PIEZO2: variants seen among roughly 807,000 people sequenced by gnomAD.
PIEZO2 encodes the protein piezo-type mechanosensitive ion channel component 2.
A neutral mutation model predicts 337.3 loss-of-function variants in PIEZO2; 172 were observed. The ratio of observed to expected loss-of-function variants is 0.51; its 90% CI spans 0.45 to 0.58. PIEZO2 has a LOEUF of 0.58. PIEZO2 is among the 20% of genes least tolerant of loss of function. The probability of loss-of-function intolerance (pLI) is 0.00; values close to 1 mark genes in which losing one functional copy is unlikely to be tolerated. For synonymous variants in PIEZO2, 1,251 were observed against 1,228.5 expected (o/e 1.02, Z -0.38); for missense variants, 3,028 against 3,391.3 (o/e 0.89, Z 2.66).
intron 3 of PIEZO2, among the ~76,000 whole-genome samples, chr18:10,926,316 G>A (rs1039258686): frequency 1.3e-5 from 2 of 152,204 alleles, no homozygotes; most frequent in Non-Finnish European, 2.9e-5. Flanking sequence ...CCCATGGTAG[G>A]AGTATTTAAG....
chr18:11,054,796 T>C (rs1427078624), intron 2 of PIEZO2, among the ~76,000 whole-genome samples: 1 of 152,162 alleles, frequency 6.6e-6, no homozygotes, highest in African/African-American at 2.4e-5. Context: ...GTTGAGAGAA[T>C]GCCAAGCCCA....
At chr18:10,757,032 A>T (rs2037895097) in intron 27 of PIEZO2, among the ~76,000 whole-genome samples, 1 of 147,502 alleles carries the variant, frequency 6.8e-6, no homozygotes, top group African/African-American at 2.5e-5. Context: ...GATAAGGAGG[A>T]ATGGGGATAA....
intron 3 of PIEZO2, among the ~76,000 whole-genome samples, chr18:10,939,464 A>C (rs1013571131): frequency 2.0e-4 from 30 of 152,226 alleles, no homozygotes; most frequent in Admixed American, 1.6e-3. Context: ...AGACACATGC[A>C]TACCTGTGTG....
rs1439116365 is a variant in PIEZO2 at position 10,773,663 on chromosome 18, A to G, written c.2568-34T>C. 1 of 1,528,754 alleles carries G rather than the reference A, an allele frequency of 6.5e-7. No individual in the cohort carries two copies. Among genetic ancestry groups the G allele is most frequent in the Non-Finnish European group, 8.8e-7 (1 of 1,139,604 alleles). The allele number at this position is 1,528,754 out of a possible 1,614,324, so 94.7% of individuals were successfully genotyped here. ...AGAGAGCAGCTGAGTCAGAAGAGGA[A>G]AGGGTGTTGGGAGAGATTTGACTGA... On this transcript the variant is annotated intron_variant, in intron 19 of 55. Coordinates refer to ENST00000674853, the MANE Select transcript of PIEZO2 (RefSeq NM_001378183.1). The surrounding 1 kb of genome is among the most constrained non-coding windows in gnomAD (Gnocchi z 5.3).
chr18:10,697,686 G>A, intron 45 of PIEZO2, 62 bp downstream of exon 45: 2 of 1,572,818 alleles, frequency 1.3e-6, no homozygotes, highest in Non-Finnish European at 1.7e-6. Flanking sequence ...TGGTTTATAG[G>A]AAATAATAAA....
rs2042316440 is a variant in PIEZO2 at position 10,878,094 on chromosome 18, C to T, written c.330-6679G>A. ...ATTCCAGAATAGAATGGACCGCCATCCCTCCCACATCCTCCATCAGTAGAT... is the reference window on the plus strand; with the variant it reads ...ATTCCAGAATAGAATGGACCGCCATTCCTCCCACATCCTCCATCAGTAGAT... On this transcript the variant is annotated intron_variant, in intron 4 of 55. Coordinates refer to ENST00000674853, the MANE Select transcript of PIEZO2 (RefSeq NM_001378183.1). This position sits in a 1 kb window ranked among gnomAD's most constrained non-coding sequence, Gnocchi z 4.3. Among the ~76,000 whole-genome samples, 1 of 152,164 alleles carries T rather than the reference C, an allele frequency of 6.6e-6. No individual in the cohort carries two copies. The highest frequency in any genetic ancestry group is 2.4e-5 in the African/African-American group (1 of 41,426).
intron 36 of PIEZO2, among the ~76,000 whole-genome samples, chr18:10,720,363 CTGTGTGTGTGTGTGTGTGTGTGTG>C (rs58927900): frequency 1.8e-5 from 1 of 56,296 alleles, no homozygotes; most frequent in Non-Finnish European, 3.2e-5. Context: ...TATATATATT[CTGTGTGTGTGTGTGTGTGTGTGTG>C]TGTGTGTGTG....
At chr18:10,812,406 GTAAA>G (rs1306263049) in intron 7 of PIEZO2, among the ~76,000 whole-genome samples, 6 of 152,130 alleles carry the variant, frequency 3.9e-5, no homozygotes. Context: ...GGGCGAGGAT[GTAAA>G]AAACACTCAT....
intron 3 of PIEZO2, among the ~76,000 whole-genome samples, chr18:10,921,932 T>C (rs2145140409): frequency 6.6e-6 from 1 of 152,276 alleles, no homozygotes; most frequent in South Asian, 2.1e-4. Flanking sequence ...GAGGAAATTC[T>C]TGCCTAATAA....
intron 49 of PIEZO2, among the ~76,000 whole-genome samples, chr18:10,684,466 GTTT>G (rs58939994): frequency 4.0e-4 from 55 of 135,902 alleles, no homozygotes; most frequent in African/African-American, 1.2e-3. Flanking sequence ...CGCCCGGCCT[GTTT>G]TTTTTTTTTT....
At chr18:10,868,729 T>C (rs1598606875) in intron 5 of PIEZO2, among the ~76,000 whole-genome samples, 1 of 152,160 alleles carries the variant, frequency 6.6e-6, no homozygotes, top group Non-Finnish European at 1.5e-5. Context: ...TCTCTGAAAA[T>C]TGAAATCAGG....
At position 11,146,663 on chromosome 18, in the gene PIEZO2, A is replaced by C. The variant is rs561909493; in HGVS notation, c.64+1862T>G. Among the ~76,000 whole-genome samples, 1 of 152,294 alleles carries C rather than the reference A, an allele frequency of 6.6e-6. No homozygotes were observed. The highest frequency in any genetic ancestry group is 2.4e-5 in the African/African-American group (1 of 41,564). On this transcript the variant is annotated intron_variant, in intron 1 of 55. Coordinates refer to ENST00000674853, the MANE Select transcript of PIEZO2 (RefSeq NM_001378183.1). This position sits in a 1 kb window ranked among gnomAD's most constrained non-coding sequence, Gnocchi z 6.1. ...AGGTGAGCTGAGTCCAGGGAGCCCA[A>C]CCTGCAAGAGCCTATGCTCAGGGCA...
Position 10,704,428 on chromosome 18 carries a change from C to T in PIEZO2, c.6224G>A (p.Arg2075His), listed in dbSNP as rs879168452. ...WAMLSVPRPS[R>H]RFWMMAIVYT... ...GACGATGGCCATCATCCAGAACCGG[C>T]GGCTGGGCCTGGGGACGGACAACAT... Residue 2075 changes from arginine to histidine, a missense_variant, in exon 42 of 56, where the codon CGC (arginine) becomes CAC (histidine). Around this residue, in one of 5 missense-constraint regions of PIEZO2, gnomAD observed 1,925 missense variants for 2,051.9 expected, o/e 0.94. Coordinates refer to ENST00000674853, the MANE Select transcript of PIEZO2 (RefSeq NM_001378183.1). 17 of 1,537,016 alleles carry T rather than the reference C, an allele frequency of 1.1e-5. No homozygotes were observed. The African/African-American group carries it at 1.2e-4, about 11-fold the overall frequency.
chr18:10,974,623 T>C (rs1193095934), intron 3 of PIEZO2, among the ~76,000 whole-genome samples: 1 of 152,142 alleles, frequency 6.6e-6, no homozygotes, highest in African/African-American at 2.4e-5. Context: ...GGGGGAAGAA[T>C]GGAAAGCCAG....
At chr18:10,840,588 T>C (rs2041159688) in intron 7 of PIEZO2, among the ~76,000 whole-genome samples, 1 of 152,132 alleles carries the variant, frequency 6.6e-6, no homozygotes, top group South Asian at 2.1e-4. Flanking sequence ...TCAATACAAG[T>C]AATCTATTTA....
rs922549583 is a variant in PIEZO2, at chr18:10,794,958, C to T, written c.1572G>A (p.Leu524=). The change falls in exon 13 of 56, where the codon CTG becomes CTA. Residue 524 remains leucine, a synonymous_variant. Transcript: ENST00000674853. This position sits in a 1 kb window ranked among gnomAD's most constrained non-coding sequence, Gnocchi z 6.6. ...TYHSWLTFVL[L]IWSCTLWMIR... ...TCATCCAAAGAGTGCACGACCAGAT[C>T]AGCAGCACGAAGGTCAGCCAGCTGT... is the stretch of plus-strand genomic sequence containing the variant. The T allele has an allele frequency of 3.2e-6, 5 of 1,547,626 alleles. No homozygotes were observed. In the Admixed American group the frequency reaches 5.9e-5, roughly 18 times the overall value.
chr18:10,921,781 G>A (rs900339348), intron 3 of PIEZO2, among the ~76,000 whole-genome samples: 4 of 152,258 alleles, frequency 2.6e-5, no homozygotes, highest in Middle Eastern at 3.4e-3. Context: ...TTCTCAGCAA[G>A]GAACATCCCT....
rs746342616 is a variant in PIEZO2 at position 11,099,710 on chromosome 18, C to T, written c.65-33488G>A. Among the ~76,000 whole-genome samples, 111 of 152,206 alleles carry T rather than the reference C, an allele frequency of 7.3e-4. 1 individual carries two copies. The highest frequency in any genetic ancestry group is 2.2e-4 in the Non-Finnish European group (15 of 68,032). ...TTGACCTCAGGTGATCTGCCCACCT[C>T]GGCCTCCCAAAGTACTGGGATTACA... is the stretch of plus-strand genomic sequence containing the variant. On this transcript the variant is annotated intron_variant, in intron 1 of 55. Transcript: ENST00000674853. The surrounding 1 kb of genome is among the most constrained non-coding windows in gnomAD (Gnocchi z 5.4).
intron 3 of PIEZO2, among the ~76,000 whole-genome samples, chr18:10,937,295 A>G (rs959797628): frequency 3.9e-5 from 6 of 152,104 alleles, no homozygotes; most frequent in Non-Finnish European, 8.8e-5. Flanking sequence ...GTTTCATGAA[A>G]TCTTCTTGGT....
Sources: allele counts gnomAD v4.1 joint callset (sites outside exome capture counted in the v4.1 genomes callset), GRCh38; gene constraint gnomAD v4.1.1; regional missense constraint gnomAD v4.1.1; non-coding constraint Gnocchi (gnomAD v3.1); transcripts MANE v1.5; gene names NCBI Gene and HGNC (gene_info 2026-07-23, HGNC 2026-07-21).